The following CEACAM18 variants were observed in gnomAD, a reference collection of about 807,000 sequenced individuals.
CEACAM18 encodes the protein cell adhesion molecule CEACAM18.
In CEACAM18, 33 loss-of-function variants were observed where a neutral mutation model predicts 34.3. The observed-to-expected ratio is 0.96, with a 90% CI of 0.73 to 1.29. CEACAM18 has a LOEUF of 1.29. Among genes scored for constraint, CEACAM18 ranks in the 50% most tolerant of loss-of-function variants. The pLI is 0.00. For synonymous variants in CEACAM18, 169 were observed against 180.9 expected (o/e 0.93, Z 0.53); for missense variants, 474 against 485.0 (o/e 0.98, Z 0.21).
At chr19:51,489,462 T>C (rs1990054616) in intron 5 of CEACAM18, among the ~76,000 whole-genome samples, 1 of 151,708 alleles carries the variant, frequency 6.6e-6, no homozygotes, top group Non-Finnish European at 1.5e-5. Flanking sequence ...GGCACAGGAG[T>C]GGCATTTCCT....
intron 2 of CEACAM18, among the ~76,000 whole-genome samples, chr19:51,481,095 C>T (rs1464452896): frequency 6.6e-6 from 1 of 152,182 alleles, no homozygotes; most frequent in Non-Finnish European, 1.5e-5. Flanking sequence ...CTCGTGTCTC[C>T]TGGATGAGGG....
At chr19:51,483,273 C>T (rs547941725) in exon 4 of CEACAM18, 58 of 1,613,996 alleles carry the variant, frequency 3.6e-5, no homozygotes, top group Admixed American at 8.3e-5. Flanking sequence ...TGTACATGGA[C>T]GTCAGGATCC....
intron 5 of CEACAM18, among the ~76,000 whole-genome samples, chr19:51,485,813 T>A (rs533377661): frequency 6.6e-6 from 1 of 152,244 alleles, no homozygotes; most frequent in Non-Finnish European, 1.5e-5. Context: ...GTCCTGTGCA[T>A]TGTGGGACAT....
At chr19:51,478,777 A>G (rs1599940849) in intron 1 of CEACAM18, 83 bp downstream of exon 1, 3 of 1,008,796 alleles carry the variant, frequency 3.0e-6, no homozygotes, top group Non-Finnish European at 4.0e-6. Context: ...GGGGGCTGGG[A>G]CCATCCCCAT....
At chr19:51,479,907 A>C (rs8100959) in intron 1 of CEACAM18, among the ~76,000 whole-genome samples, 2 of 152,048 alleles carry the variant, frequency 1.3e-5, no homozygotes, top group Non-Finnish European at 2.9e-5. Flanking sequence ...GTAGGTGTGC[A>C]CCACAAGGAG....
At position 51,481,380 on chromosome 19, in the gene CEACAM18, C is replaced by A; in HGVS notation, c.401-13C>A. 6.2e-7 allele frequency: 1 copy of A among 1,610,352 alleles called. No homozygotes were observed. Among genetic ancestry groups the A allele is most frequent in the East Asian group, 2.2e-5 (1 of 44,862 alleles). On this transcript the variant is annotated splice_polypyrimidine_tract_variant and intron_variant, in intron 2 of 5. Transcript: ENST00000396477. Reference sequence around the variant, plus strand: ...CCCACTTGTAATTTTTTTCTCTTTCCTGCTTCACCCAGAGTTGGGAAGCAA... The same window carrying A: ...CCCACTTGTAATTTTTTTCTCTTTCATGCTTCACCCAGAGTTGGGAAGCAA...
chr19:51,490,513 C>T (rs1313233592), intron 5 of CEACAM18, 74 bp from the exon 6 acceptor site: 1 of 1,209,310 alleles, frequency 8.3e-7, no homozygotes, highest in African/African-American at 1.6e-5. Context: ...GCCCCTTCAC[C>T]TCTCTCTATC....
intron 1 of CEACAM18, 76 bp from the exon 2 acceptor site, chr19:51,480,257 C>T: frequency 8.0e-7 from 1 of 1,244,162 alleles, no homozygotes; most frequent in Non-Finnish European, 1.1e-6. Flanking sequence ...CGGATGGTGT[C>T]TTTTTTCCTT....
At chr19:51,482,935 CT>C in intron 3 of CEACAM18, 81 bp from the exon 4 acceptor site, 1 of 1,548,074 alleles carries the variant, frequency 6.5e-7, no homozygotes, top group Non-Finnish European at 8.8e-7. Flanking sequence ...AATGGGGAAC[CT>C]CCTGGCTGGG....
rs967083063 is a variant in CEACAM18 at position 51,490,769 on chromosome 19, C to A, written c.*117C>A. 3 of 496,706 alleles carry A rather than the reference C, an allele frequency of 6.0e-6. No homozygotes were observed. The East Asian group carries it at 1.1e-4, about 17-fold the overall frequency. 30.8% of individuals were successfully genotyped at this position (496,706 alleles called of 1,614,324 possible). A position where few individuals can be genotyped will look rare whatever the true frequency, so the allele number is the denominator to read the frequency against. Reference sequence around the variant, plus strand: ...GGGACCCAGCCCAGTCACACGGAAGCCTGGAGATGGAGGCTCCAGTAGGAG... The same window carrying A: ...GGGACCCAGCCCAGTCACACGGAAGACTGGAGATGGAGGCTCCAGTAGGAG... On this transcript the variant is annotated 3_prime_UTR_variant, in exon 6 of 6. Coordinates refer to ENST00000396477, the Ensembl canonical transcript of CEACAM18.
chr19:51,481,522 G>A lies in CEACAM18; in HGVS notation c.530G>A (p.Ser177Asn), dbSNP rs760457201. The A allele has an allele frequency of 1.9e-6, 3 of 1,613,992 alleles. No individual in the cohort carries two copies. In the South Asian group the frequency reaches 3.3e-5, roughly 18 times the overall value. ...TATGTGAATGATGTGCCTACCTCTA[G>A]TAGTGACCGGATGACAATTTCCCCA... Residue 177 changes from serine (S) to asparagine (N), a missense_variant, in exon 3 of 6, where the codon AGT (serine) becomes AAT (asparagine). Ser to Asn is a conservative substitution (Grantham distance 46, BLOSUM62 1). Transcript: ENST00000396477.
rs1183758252 is a variant in CEACAM18 at position 51,481,760 on chromosome 19, G to A, written c.673+95G>A. ...TAGGACAGGCTGAGCTGGAGAGAGG[G>A]GGCATCCTGGGCCAGCCTGCAGCCA... On this transcript the variant is annotated intron_variant, in intron 3 of 5. Coordinates refer to ENST00000396477, the Ensembl canonical transcript of CEACAM18. 3.9e-6 allele frequency: 5 copies of A among 1,280,266 alleles called. No individual in the cohort carries two copies. In the East Asian group the frequency reaches 7.5e-5, roughly 19 times the overall value. The allele number at this position is 1,280,266 out of a possible 1,614,324, so 79.3% of individuals were successfully genotyped here. A position where few individuals can be genotyped will look rare whatever the true frequency, so the allele number is the denominator to read the frequency against.
chr19:51,487,212 T>C (rs1469375332), intron 5 of CEACAM18, among the ~76,000 whole-genome samples: 4 of 152,170 alleles, frequency 2.6e-5, no homozygotes, highest in African/African-American at 9.7e-5. Flanking sequence ...TGGTAGCTCA[T>C]GCCTGTAATC....
intron 1 of CEACAM18, among the ~76,000 whole-genome samples, chr19:51,478,931 T>TACACACAC (rs150760635): frequency 1.0e-4 from 15 of 147,956 alleles, no homozygotes; most frequent in Admixed American, 2.7e-4. Context: ...CATGTGGTGT[T>TACACACAC]ACACACACAC....
chr19:51,484,854 C>T, intron 4 of CEACAM18, 133 bp from the exon 5 acceptor site: 1 of 1,143,758 alleles, frequency 8.7e-7, no homozygotes, highest in South Asian at 1.4e-5. Flanking sequence ...ATCCCTCGTA[C>T]CTGGAACAGT....
chr19:51,490,227 A>G (rs1054096319), intron 5 of CEACAM18, among the ~76,000 whole-genome samples: 5 of 152,164 alleles, frequency 3.3e-5, no homozygotes, highest in African/African-American at 1.2e-4. Context: ...GTCATAAGTT[A>G]TAGTGCCTGG....
At chr19:51,489,022 GTCCATAATGA>G (rs1047789804) in intron 5 of CEACAM18, among the ~76,000 whole-genome samples, 2 of 151,450 alleles carry the variant, frequency 1.3e-5, no homozygotes, top group African/African-American at 4.8e-5. Flanking sequence ...TAGTGCTTCT[GTCCATAATGA>G]TCCTGCTTCC....
At chr19:51,479,338 G>A (rs763304651) in intron 1 of CEACAM18, among the ~76,000 whole-genome samples, 2 of 152,284 alleles carry the variant, frequency 1.3e-5, no homozygotes, top group East Asian at 3.9e-4. Context: ...ACAGGCTGCC[G>A]CCTCCATTCA....
chr19:51,483,784 C>A (rs113562696), intron 4 of CEACAM18, among the ~76,000 whole-genome samples: 2 of 152,184 alleles, frequency 1.3e-5, no homozygotes, highest in African/African-American at 4.8e-5. Context: ...ATTAGAAAGA[C>A]GCAGGGACGG....
Sources: allele counts gnomAD v4.1 joint callset (sites outside exome capture counted in the v4.1 genomes callset), GRCh38; gene constraint gnomAD v4.1.1; transcripts MANE v1.5; gene names NCBI Gene and HGNC (gene_info 2026-07-23, HGNC 2026-07-21).